The following N4BP1 variants were observed in gnomAD, a reference collection of about 807,000 sequenced individuals.
N4BP1 encodes the protein NEDD4-binding protein 1.
In N4BP1, 21 loss-of-function variants were observed where a neutral mutation model predicts 70.9. That is an observed-to-expected ratio of 0.30 (90% confidence interval 0.21 to 0.43). The LOEUF (loss-of-function observed/expected upper bound fraction) is 0.43. N4BP1 is among the 20% of genes least tolerant of loss of function. The pLI is 1.00. For synonymous variants in N4BP1, 387 were observed against 394.6 expected (o/e 0.98, Z 0.23); for missense variants, 936 against 1,069.4 (o/e 0.88, Z 1.74).
At chr16:48,570,132 T>G (rs1011939062) in intron 1 of N4BP1, among the ~76,000 whole-genome samples, 1 of 132,564 alleles carries the variant, frequency 7.5e-6, no homozygotes, top group Non-Finnish European at 1.6e-5. Context: ...TACTTGGGGC[T>G]GGGTTACATG....
intron 1 of N4BP1, among the ~76,000 whole-genome samples, chr16:48,595,438 T>C (rs144315777): frequency 0.032 from 3,638 of 115,148 alleles, 162 homozygotes; most frequent in African/African-American, 0.12. Context: ...GCCTGGGCAA[T>C]AGAGTGAGAC....
chr16:48,541,409 C>T lies in N4BP1; in HGVS notation c.*1495G>A, dbSNP rs1567422801. 6.6e-6 allele frequency: 1 copy of T among 152,284 alleles called. No homozygotes were observed. Among genetic ancestry groups the T allele is most frequent in the South Asian group, 2.1e-4 (1 of 4,834 alleles). The allele number at this position is 152,284 out of a possible 1,614,324, so 9.4% of individuals were successfully genotyped here. On this transcript the variant is annotated 3_prime_UTR_variant, in exon 7 of 7. Coordinates refer to ENST00000262384, the MANE Select transcript of N4BP1 (RefSeq NM_153029.4). ...TCCACATTAGGAGGCATCACGGACGCATCTGAGAGGAAACATGATTGAAGG... is the reference window on the plus strand; with the variant it reads ...TCCACATTAGGAGGCATCACGGACGTATCTGAGAGGAAACATGATTGAAGG...
Position 48,561,995 on chromosome 16 carries a change from T to C in N4BP1, c.648A>G (p.Thr216=), listed in dbSNP as rs1304712442. 6.2e-7 allele frequency: 1 copy of C among 1,613,960 alleles called. No homozygotes were observed. The highest frequency in any genetic ancestry group is 8.5e-7 in the Non-Finnish European group (1 of 1,179,888). Residue 216 remains threonine, a synonymous_variant, in exon 2 of 7, where the codon ACA becomes ACG. Transcript: ENST00000262384. ...EMRDSQQTEF[T]QNAATGLNIS... is the part of the protein sequence containing the mutation. ...TATTCAGCCCTGTGGCAGCATTCTG[T>C]GTAAACTCTGTTTGTTGAGAATCTC...
intron 1 of N4BP1, among the ~76,000 whole-genome samples, chr16:48,589,218 CTT>C (rs1428980210): frequency 6.6e-6 from 1 of 152,078 alleles, no homozygotes; most frequent in Non-Finnish European, 1.5e-5. Flanking sequence ...AAGTGATAGT[CTT>C]TTCATATCCT....
rs142917678 is a variant in N4BP1, at chr16:48,569,163, A to G, written c.199-6719T>C. ...CATCTCAGCACTGCTGTCTTTTCCTATAAGAGTTGAGATTTTCCTACCCCT... is the reference window on the plus strand; with the variant it reads ...CATCTCAGCACTGCTGTCTTTTCCTGTAAGAGTTGAGATTTTCCTACCCCT... On this transcript the variant is annotated intron_variant, in intron 1 of 6. Coordinates refer to ENST00000262384, the MANE Select transcript of N4BP1 (RefSeq NM_153029.4). Among the ~76,000 whole-genome samples the G allele has an allele frequency of 5.7e-3, 868 of 152,306 alleles. 6 individuals carry two copies. Among genetic ancestry groups the G allele is most frequent in the African/African-American group, 0.019 (774 of 41,566 alleles).
intron 1 of N4BP1, among the ~76,000 whole-genome samples, chr16:48,570,983 C>T (rs751056346): frequency 7.2e-5 from 11 of 151,962 alleles, no homozygotes; most frequent in Admixed American, 2.6e-4. Flanking sequence ...GTAGAGACAG[C>T]GTTTCACCAT....
At chr16:48,594,811 A>G (rs559174009) in intron 1 of N4BP1, among the ~76,000 whole-genome samples, 1 of 152,366 alleles carries the variant, frequency 6.6e-6, no homozygotes, top group East Asian at 1.9e-4. Context: ...GTTATCAATA[A>G]TAATTGTTAT....
intron 1 of N4BP1, among the ~76,000 whole-genome samples, chr16:48,594,785 A>G (rs977090685): frequency 6.6e-6 from 1 of 152,212 alleles, no homozygotes; most frequent in African/African-American, 2.4e-5. Context: ...TATAATTCTA[A>G]TATGCCTCAC....
rs1304091974 is a variant in N4BP1 at position 48,546,159 on chromosome 16, TC to T, written c.2320del (p.Glu774LysfsTer84). ...GPRLEEFLQK[E>X]VCLRDMQPLL... is the part of the protein sequence containing the mutation. ...AAAAAGGAAATACCTAAGACAGACT[TC>T]CTTCTGAAGAAACTCCTCTAATCGA... On this transcript the variant is annotated frameshift_variant, in exon 6 of 7. Coordinates refer to ENST00000262384, the MANE Select transcript of N4BP1 (RefSeq NM_153029.4). LOFTEE classifies it high-confidence loss of function. 6.2e-7 allele frequency: 1 copy of T among 1,610,128 alleles called. No individual in the cohort carries two copies. The highest frequency in any genetic ancestry group is 8.5e-7 in the Non-Finnish European group (1 of 1,177,342).
chr16:48,563,341 C>G lies in N4BP1; in HGVS notation c.199-897G>C, dbSNP rs117430240. Reference sequence around the variant, plus strand: ...CTGCATTCCAGCCTGGGCCAAAGAGCGGGACCCTATCTCTAAAAAAAAATT... The same window carrying G: ...CTGCATTCCAGCCTGGGCCAAAGAGGGGGACCCTATCTCTAAAAAAAAATT... On this transcript the variant is annotated intron_variant, in intron 1 of 6. Coordinates refer to ENST00000262384, the MANE Select transcript of N4BP1 (RefSeq NM_153029.4). Among the ~76,000 whole-genome samples the G allele has an allele frequency of 8.1e-4, 122 of 151,398 alleles. 1 individual carries two copies. Among genetic ancestry groups the G allele is most frequent in the Middle Eastern group, 3.4e-3 (1 of 294 alleles).
intron 1 of N4BP1, among the ~76,000 whole-genome samples, chr16:48,609,006 A>C (rs1001273898): frequency 6.6e-5 from 10 of 150,750 alleles, no homozygotes; most frequent in African/African-American, 2.4e-4. Context: ...CTTGAGTCCA[A>C]GAGTTCGAGA....
intron 1 of N4BP1, among the ~76,000 whole-genome samples, chr16:48,580,218 AGAG>A (rs1462957365): frequency 7.9e-5 from 12 of 151,452 alleles, no homozygotes; most frequent in Admixed American, 2.0e-4. Context: ...CTAAGAAAAA[AGAG>A]GAGACAAAAT....
intron 2 of N4BP1, among the ~76,000 whole-genome samples, chr16:48,554,379 T>C (rs1433901963): frequency 2.0e-5 from 3 of 152,170 alleles, no homozygotes; most frequent in Non-Finnish European, 4.4e-5. Flanking sequence ...GGGCCTGATT[T>C]GGCCCATAGT....
At chr16:48,543,382 G>A in intron 6 of N4BP1, 121 bp from the exon 7 acceptor site, 1 of 808,538 alleles carries the variant, frequency 1.2e-6, no homozygotes. Flanking sequence ...GGCTTCCAAA[G>A]GCAGGATGCA....
At chr16:48,546,018 A>G in intron 6 of N4BP1, 129 bp downstream of exon 6, 1 of 550,358 alleles carries the variant, frequency 1.8e-6, no homozygotes, top group South Asian at 2.4e-5. Flanking sequence ...ACAGAGGAAG[A>G]CCTTGTCTCA....
At chr16:48,595,170 G>A (rs141750377) in intron 1 of N4BP1, among the ~76,000 whole-genome samples, 295 of 152,042 alleles carry the variant, frequency 1.9e-3, no homozygotes, top group African/African-American at 6.5e-3. Flanking sequence ...GATCCTTTTC[G>A]TTTTTTCAAA....
chr16:48,609,694 G>T, intron 1 of N4BP1, 81 bp downstream of exon 1: 1 of 1,159,594 alleles, frequency 8.6e-7, no homozygotes, highest in Non-Finnish European at 1.1e-6. Flanking sequence ...CGCGGCGGAC[G>T]GCGGGGGCGG....
At chr16:48,582,724 T>TATATATAGG (rs1964190520) in intron 1 of N4BP1, among the ~76,000 whole-genome samples, 1 of 152,208 alleles carries the variant, frequency 6.6e-6, no homozygotes, top group East Asian at 1.9e-4. Flanking sequence ...TAGGACTCGG[T>TATATATAGG]ACCATCCAAG....
chr16:48,582,325 G>A (rs776317425), intron 1 of N4BP1, among the ~76,000 whole-genome samples: 1 of 152,072 alleles, frequency 6.6e-6, no homozygotes, highest in Non-Finnish European at 1.5e-5. Flanking sequence ...GAAATCTTCC[G>A]CTATCCAGTA....
Sources: gnomAD v4.1 joint callset for allele counts (sites outside exome capture counted in the v4.1 genomes callset) on GRCh38, gnomAD v4.1.1 for gene constraint, MANE v1.5 for transcripts, NCBI Gene and HGNC (gene_info 2026-07-23, HGNC 2026-07-21) for gene names.